Variants in TMEM181 observed in about 807,000 individuals in gnomAD.
TMEM181 encodes G protein-coupled receptor 178.
A neutral mutation model predicts 71.9 loss-of-function variants in TMEM181; 39 were observed. That is an observed-to-expected ratio of 0.54 (90% confidence interval 0.42 to 0.71). The LOEUF is 0.71. TMEM181 is among the 30% of genes least tolerant of loss of function. TMEM181 has a pLI of 0.00. For missense variants in TMEM181, 595 were observed against 583.0 expected, an observed-to-expected ratio of 1.02 and a Z score of -0.21; for synonymous variants, 245 against 228.8, an observed-to-expected ratio of 1.07 and a Z score of -0.64.
At chr6:158,576,395 T>C (rs760092530) in intron 2 of TMEM181, among the ~76,000 whole-genome samples, 9 of 152,156 alleles carry the variant, frequency 5.9e-5, no homozygotes, top group East Asian at 3.9e-4. Flanking sequence ...ATGGCTGCTG[T>C]TGTTGTACCT....
chr6:158,619,884 AAAAAAGG>A (rs1329623228), intron 10 of TMEM181, among the ~76,000 whole-genome samples: 12 of 104,784 alleles, frequency 1.1e-4, no homozygotes, highest in African/African-American at 3.9e-4. Context: ...AAAAAAAAAA[AAAAAAGG>A]AGGATGTCAT....
At chr6:158,552,848 C>T (rs1781761308) in intron 1 of TMEM181, among the ~76,000 whole-genome samples, 2 of 151,918 alleles carry the variant, frequency 1.3e-5, no homozygotes, top group African/African-American at 2.4e-5. Context: ...ACATTTCTGT[C>T]TTGAAACTAG....
chr6:158,557,207 T>G (rs148150256), upstream of TMEM181, among the ~76,000 whole-genome samples: 2,188 of 152,252 alleles, frequency 0.014, 55 homozygotes, highest in African/African-American at 0.048. Flanking sequence ...AAACCTTGTC[T>G]CTACAAAAAA....
chr6:158,603,271 G>A (rs866819101), intron 6 of TMEM181, among the ~76,000 whole-genome samples: 3 of 152,140 alleles, frequency 2.0e-5, no homozygotes, highest in East Asian at 1.9e-4. Flanking sequence ...TTTTTCCATG[G>A]ACCAGGGTTG....
At chr6:158,554,728 C>T (rs1781824775) in intron 1 of TMEM181, among the ~76,000 whole-genome samples, 1 of 152,280 alleles carries the variant, frequency 6.6e-6, no homozygotes, top group South Asian at 2.1e-4. Context: ...ACATAATACA[C>T]GTACATGTGT....
intron 1 of TMEM181, among the ~76,000 whole-genome samples, chr6:158,537,923 G>A (rs896286802): frequency 4.6e-5 from 7 of 152,068 alleles, no homozygotes; most frequent in African/African-American, 1.5e-4. Context: ...GCAACGCAGC[G>A]GGACCGTGGT....
At chr6:158,624,875 C>T (rs916859986) in intron 11 of TMEM181, among the ~76,000 whole-genome samples, 4 of 152,176 alleles carry the variant, frequency 2.6e-5, no homozygotes, top group Admixed American at 6.5e-5. Flanking sequence ...GGCTCTGCTC[C>T]GCTGATTTGC....
rs1784881927 is a variant in TMEM181, at chr6:158,605,149, T to G, written c.493-118T>G. The stretch of plus-strand genomic sequence containing the variant: ...AAAAAAAAGTGTGTGTGTGTGTGTG[T>G]GTGTGTGTGTATGTGTATATATTGT... On this transcript the variant is annotated intron_variant, in intron 6 of 16. Coordinates refer to ENST00000684151, the MANE Select transcript of TMEM181 (RefSeq NM_001376852.1). The G allele has an allele frequency of 5.0e-5, 29 of 580,710 alleles. 1 individual carries two copies. Among genetic ancestry groups the G allele is most frequent in the Middle Eastern group, 5.1e-4 (1 of 1,948 alleles). 36.0% of individuals were successfully genotyped at this position (580,710 alleles called of 1,614,324 possible).
At chr6:158,583,523 C>T (rs182280897) in intron 3 of TMEM181, among the ~76,000 whole-genome samples, 8 of 152,256 alleles carry the variant, frequency 5.3e-5, no homozygotes, top group Admixed American at 6.5e-5. Context: ...ACCTCATGGC[C>T]GGGCGCAGTG....
At chr6:158,618,820 C>T (rs1243577820) in intron 10 of TMEM181, among the ~76,000 whole-genome samples, 3 of 152,232 alleles carry the variant, frequency 2.0e-5, no homozygotes, top group Admixed American at 6.5e-5. Flanking sequence ...AATATTGGCC[C>T]CCACTCTTCT....
chr6:158,628,591 C>A, intron 14 of TMEM181, 101 bp downstream of exon 14: 1 of 1,007,206 alleles, frequency 9.9e-7, no homozygotes, highest in South Asian at 1.5e-5. Context: ...CAGGTCAGCT[C>A]CTCGCGCCCT....
At chr6:158,619,094 A>G (rs929162393) in intron 10 of TMEM181, among the ~76,000 whole-genome samples, 1 of 152,192 alleles carries the variant, frequency 6.6e-6, no homozygotes, top group Admixed American at 6.6e-5. Context: ...GTGTTTTCCA[A>G]CTTGGTTCCA....
At chr6:158,601,049 T>TA in intron 6 of TMEM181, among the ~76,000 whole-genome samples, 1 of 152,340 alleles carries the variant, frequency 6.6e-6, no homozygotes, top group Non-Finnish European at 1.5e-5. Context: ...ATCTCAATAT[T>TA]ATGTTTATAT....
At chr6:158,628,744 G>A (rs530658311) in intron 14 of TMEM181, among the ~76,000 whole-genome samples, 5 of 152,302 alleles carry the variant, frequency 3.3e-5, no homozygotes, top group South Asian at 2.1e-4. Context: ...GGCAGAGCCC[G>A]GCTCCAAACC....
chr6:158,599,925 A>G (rs1784578122), intron 6 of TMEM181, among the ~76,000 whole-genome samples: 1 of 152,182 alleles, frequency 6.6e-6, no homozygotes, highest in Non-Finnish European at 1.5e-5. Flanking sequence ...GGCCTCCCAG[A>G]GAGTCAGAAC....
chr6:158,620,712 A>G lies in TMEM181; in HGVS notation c.897-2838A>G, dbSNP rs1381262311. On this transcript the variant is annotated intron_variant, in intron 10 of 16. Transcript: ENST00000684151. This position sits in a 1 kb window ranked among gnomAD's most constrained non-coding sequence, Gnocchi z 4.5. The stretch of plus-strand genomic sequence containing the variant: ...TGAAGTGAGAGAAAAGATGGGGTGC[A>G]TGGCCAGAGACTCTCAGGATCCAGG... 6.6e-6 allele frequency among the ~76,000 whole-genome samples: 1 copy of G among 151,978 alleles called. No individual in the cohort carries two copies. Among genetic ancestry groups the G allele is most frequent in the Non-Finnish European group, 1.5e-5 (1 of 67,952 alleles).
At chr6:158,611,335 G>A in intron 10 of TMEM181, 1 of 516,862 alleles carries the variant, frequency 1.9e-6, no homozygotes, top group East Asian at 5.4e-5. Flanking sequence ...GCTTGGTTTT[G>A]AACTAGTGAC....
chr6:158,584,884 CTTTATA>C (rs1478801751), intron 4 of TMEM181, among the ~76,000 whole-genome samples: 1 of 151,980 alleles, frequency 6.6e-6, no homozygotes, highest in African/African-American at 2.4e-5. Context: ...TTAATGCTAT[CTTTATA>C]TTTTATGATT....
At chr6:158,623,795 C>G (rs926462270) in intron 11 of TMEM181, among the ~76,000 whole-genome samples, 188 bp downstream of exon 11, 6 of 148,720 alleles carry the variant, frequency 4.0e-5, no homozygotes, top group African/African-American at 1.5e-4. Context: ...GAGTCTTGCT[C>G]TGTCGCCCAG....
Sources: allele counts gnomAD v4.1 joint callset (sites outside exome capture counted in the v4.1 genomes callset), GRCh38; gene constraint gnomAD v4.1.1; non-coding constraint Gnocchi (gnomAD v3.1); transcripts MANE v1.5; gene names NCBI Gene and HGNC (gene_info 2026-07-23, HGNC 2026-07-21).